Variants in LRRC4C observed in about 807,000 individuals in gnomAD.
The protein encoded by LRRC4C is leucine rich repeat containing 4C, also known as leucine-rich repeat-containing protein 4C.
A neutral mutation model predicts 33.6 loss-of-function variants in LRRC4C; 5 were observed. That is an observed-to-expected ratio of 0.15 (90% CI 0.08 to 0.31). The LOEUF (loss-of-function observed/expected upper bound fraction) is 0.31, where lower values mean the gene tolerates loss of function less well. Ranked by LOEUF, LRRC4C falls within the 10% of genes least tolerant of loss-of-function variation. The pLI is 1.00. For missense variants in LRRC4C, 560 were observed against 796.7 expected, an observed-to-expected ratio of 0.70 and a Z score of 3.58; for synonymous variants, 329 against 302.0, an observed-to-expected ratio of 1.09 and a Z score of -0.93.
chr11:41,253,141 G>A (rs778771458), intron 1 of LRRC4C, among the ~76,000 whole-genome samples: 2 of 152,104 alleles, frequency 1.3e-5, no homozygotes, highest in Non-Finnish European at 2.9e-5. Context: ...CAACTTTGAA[G>A]GCACCAATGG....
intron 3 of LRRC4C, among the ~76,000 whole-genome samples, chr11:40,574,606 CA>C (rs747361366): frequency 1.2e-4 from 19 of 152,194 alleles, no homozygotes; most frequent in South Asian, 8.3e-4. Flanking sequence ...ACAATGTATT[CA>C]AACCTCCTAT....
intron 4 of LRRC4C, among the ~76,000 whole-genome samples, chr11:40,252,212 T>C (rs1010682308): frequency 6.6e-6 from 1 of 151,878 alleles, no homozygotes; most frequent in African/African-American, 2.4e-5. Context: ...AGCACACATA[T>C]GTATATACAT....
At chr11:40,377,496 A>C (rs1184300082) in intron 3 of LRRC4C, among the ~76,000 whole-genome samples, 1 of 152,054 alleles carries the variant, frequency 6.6e-6, no homozygotes, top group African/African-American at 2.4e-5. Flanking sequence ...GTTTCTCTTA[A>C]GTTATACTCT....
intron 4 of LRRC4C, among the ~76,000 whole-genome samples, chr11:40,251,584 G>C (rs976536156): frequency 6.6e-6 from 1 of 152,124 alleles, no homozygotes; most frequent in African/African-American, 2.4e-5. Flanking sequence ...TTAGTAGAAC[G>C]GTTCAATTCA....
intron 3 of LRRC4C, among the ~76,000 whole-genome samples, chr11:40,603,691 CT>C (rs1350048745): frequency 6.6e-5 from 10 of 152,254 alleles, no homozygotes; most frequent in African/African-American, 2.2e-4. Context: ...AGTTTATTCA[CT>C]TTGCAACGCA....
At chr11:40,153,401 T>C (rs1267983526) in intron 5 of LRRC4C, among the ~76,000 whole-genome samples, 1 of 151,826 alleles carries the variant, frequency 6.6e-6, no homozygotes, top group Non-Finnish European at 1.5e-5. Flanking sequence ...CCCCTGAAAA[T>C]CACACTAGTT....
intron 2 of LRRC4C, among the ~76,000 whole-genome samples, chr11:40,894,792 T>G (rs1442513833): frequency 6.6e-6 from 1 of 152,128 alleles, no homozygotes; most frequent in Non-Finnish European, 1.5e-5. Context: ...ATTCAAGGCC[T>G]GGAACCACTT....
At chr11:40,904,591 T>A (rs1956340047) in intron 2 of LRRC4C, among the ~76,000 whole-genome samples, 1 of 151,680 alleles carries the variant, frequency 6.6e-6, no homozygotes, top group African/African-American at 2.4e-5. Flanking sequence ...TCTGGGGGAG[T>A]GGCAAGTTGG....
At chr11:40,409,925 A>G (rs1435178546) in intron 3 of LRRC4C, among the ~76,000 whole-genome samples, 2 of 152,242 alleles carry the variant, frequency 1.3e-5, no homozygotes, top group East Asian at 3.9e-4. Context: ...TACAGTGAAT[A>G]TATATTTCAA....
chr11:40,466,066 C>A (rs1339984446), intron 3 of LRRC4C, among the ~76,000 whole-genome samples: 1 of 151,940 alleles, frequency 6.6e-6, no homozygotes, highest in Admixed American at 6.6e-5. Context: ...TACATATACA[C>A]CATATAATAT....
chr11:41,290,786 T>G (rs979214822), intron 1 of LRRC4C, among the ~76,000 whole-genome samples: 3 of 152,106 alleles, frequency 2.0e-5, no homozygotes, highest in Non-Finnish European at 4.4e-5. Context: ...CCTAGGTTTA[T>G]GGAGAGAGAT....
intron 1 of LRRC4C, among the ~76,000 whole-genome samples, chr11:41,142,871 CA>C (rs1447233402): frequency 6.6e-6 from 1 of 152,126 alleles, no homozygotes; most frequent in Admixed American, 6.6e-5. Flanking sequence ...TTAACAAAAA[CA>C]AGTATTTCCC....
intron 2 of LRRC4C, among the ~76,000 whole-genome samples, chr11:40,796,386 A>G (rs1950825979): frequency 6.6e-6 from 1 of 152,196 alleles, no homozygotes; most frequent in Admixed American, 6.5e-5. Flanking sequence ...ACAGGCTTGT[A>G]GTAAAAGTAA....
chr11:41,404,637 C>A (rs1954161784), intron 1 of LRRC4C, among the ~76,000 whole-genome samples: 1 of 151,862 alleles, frequency 6.6e-6, no homozygotes, highest in Non-Finnish European at 1.5e-5. Flanking sequence ...CCCGCATCAC[C>A]AGAGTGACAA....
chr11:40,168,012 C>T (rs1338544654), intron 5 of LRRC4C, among the ~76,000 whole-genome samples: 1 of 152,076 alleles, frequency 6.6e-6, no homozygotes, highest in Non-Finnish European at 1.5e-5. Context: ...CCACTGCACT[C>T]CAGCCTGGCA....
At chr11:40,454,865 T>A (rs1952060476) in intron 3 of LRRC4C, among the ~76,000 whole-genome samples, 1 of 152,118 alleles carries the variant, frequency 6.6e-6, no homozygotes, top group Admixed American at 6.6e-5. Context: ...AAATCCAGTA[T>A]TTATTCTCTA....
chr11:40,270,255 A>T (rs1942591267), intron 4 of LRRC4C, among the ~76,000 whole-genome samples: 1 of 152,104 alleles, frequency 6.6e-6, no homozygotes, highest in Non-Finnish European at 1.5e-5. Context: ...ATAGAAATTC[A>T]TTTTCTCACA....
At chr11:40,310,129 C>T (rs1945231133) in intron 4 of LRRC4C, among the ~76,000 whole-genome samples, 1 of 152,204 alleles carries the variant, frequency 6.6e-6, no homozygotes, top group Non-Finnish European at 1.5e-5. Context: ...TTTCCCGCAG[C>T]CCTATTCTTA....
At chr11:40,671,759 T>A (rs1383527343) in intron 2 of LRRC4C, among the ~76,000 whole-genome samples, 1 of 151,860 alleles carries the variant, frequency 6.6e-6, no homozygotes, top group Non-Finnish European at 1.5e-5. Flanking sequence ...CTCATCTTCA[T>A]AATCCTTGTC....
Sources: gnomAD v4.1 joint callset for allele counts (sites outside exome capture counted in the v4.1 genomes callset) on GRCh38, gnomAD v4.1.1 for gene constraint, MANE v1.5 for transcripts, NCBI Gene and HGNC (gene_info 2026-07-23, HGNC 2026-07-21) for gene names.